Variants in SARM1 observed in about 807,000 individuals in gnomAD.
The protein encoded by SARM1 is NAD(+) hydrolase SARM1.
In SARM1, 60 loss-of-function variants were observed where a neutral mutation model predicts 65.1. The observed-to-expected ratio is 0.92, with a 90% confidence interval of 0.75 to 1.14. The LOEUF (loss-of-function observed/expected upper bound fraction) is 1.14, where lower values mean the gene tolerates loss of function less well. Among genes scored for constraint, SARM1 ranks in the 50% most tolerant of loss-of-function variants. SARM1 has a pLI of 0.00. For missense variants in SARM1, 913 were observed against 1,015.7 expected (o/e 0.90, Z 1.37); for synonymous variants, 417 against 465.4 (o/e 0.90, Z 1.34).
Position 28,384,750 on chromosome 17 carries a change from G to T in SARM1, c.1303-89G>T, listed in dbSNP as rs1416838026. The stretch of plus-strand genomic sequence containing the variant: ...TCTAGGTCCCATCCGCCTCCTCCAC[G>T]CCATCTCCAGTTCCTTCCCTTGCAT... On this transcript the variant is annotated intron_variant, in intron 3 of 8. Transcript: ENST00000585482. This position sits in a 1 kb window ranked among gnomAD's most constrained non-coding sequence, Gnocchi z 4.4. 6.8e-6 allele frequency: 9 copies of T among 1,322,968 alleles called. No homozygotes were observed. The highest frequency in any genetic ancestry group is 9.5e-6 in the Non-Finnish European group (9 of 942,440). The allele number at this position is 1,322,968 out of a possible 1,614,324, so 82.0% of individuals were successfully genotyped here.
intron 1 of SARM1, among the ~76,000 whole-genome samples, chr17:28,378,581 TCTTA>T (rs1488045374): frequency 2.0e-5 from 3 of 152,224 alleles, no homozygotes; most frequent in African/African-American, 4.8e-5. Context: ...ACATTCTATT[TCTTA>T]CTTTTTCCCA....
rs1452356781 is a variant in SARM1 at position 28,396,388 on chromosome 17, CTCT to C, written c.*107_*109del. On this transcript the variant is annotated 3_prime_UTR_variant, in exon 9 of 9. Coordinates refer to ENST00000585482, the MANE Select transcript of SARM1 (RefSeq NM_015077.4). ...TCTCCCTGGGCTGAGACAACCTGGG[CTCT>C]TCTTAGGAAATGGCTCTCCCTCCCC... The C allele has an allele frequency of 9.8e-6, 14 of 1,432,872 alleles. No individual in the cohort carries two copies. The highest frequency in any genetic ancestry group is 1.3e-5 in the Non-Finnish European group (14 of 1,039,102). 88.8% of individuals were successfully genotyped at this position (1,432,872 alleles called of 1,614,324 possible).
intron 5 of SARM1, chr17:28,387,908 G>A: frequency 4.0e-6 from 2 of 493,916 alleles, no homozygotes; most frequent in Non-Finnish European, 3.6e-6. Context: ...GGCTGTTCAG[G>A]TCTGGAGTTC....
rs2068038162 is a variant in SARM1, at chr17:28,384,242, A to C, written c.1090-115A>C. On this transcript the variant is annotated intron_variant, in intron 2 of 8. Coordinates refer to ENST00000585482, the MANE Select transcript of SARM1 (RefSeq NM_015077.4). The surrounding 1 kb of genome is among the most constrained non-coding windows in gnomAD (Gnocchi z 4.4). ...TGACTTAGTGGCTGAAGGTGGGGCCAGGGCAGATGGAGAGACTTTGGGTTG... is the reference window on the plus strand; with the variant it reads ...TGACTTAGTGGCTGAAGGTGGGGCCCGGGCAGATGGAGAGACTTTGGGTTG... 1.2e-6 allele frequency: 1 copy of C among 812,868 alleles called. No homozygotes were observed. 50.4% of individuals were successfully genotyped at this position (812,868 alleles called of 1,614,324 possible).
In SARM1 at chr17:28,395,969, C is replaced by G. The variant is rs1175888767; in HGVS notation, c.1988C>G (p.Pro663Arg). The change falls in exon 8 of 9, where the codon CCT (proline) becomes CGT (arginine). Residue 663 changes from proline to arginine, a missense_variant. This residue lies in a region of SARM1 where 862 missense variants were observed against 952.1 expected (regional missense o/e 0.91). Coordinates refer to ENST00000585482, the MANE Select transcript of SARM1 (RefSeq NM_015077.4). The part of the protein sequence containing the change: ...IVPIIDGFEW[P>R]EPQVLPEDMQ... Reference sequence around the variant, plus strand: ...CCCATCATTGATGGCTTCGAGTGGCCTGAGCCCCAGGTCCTGCCTGAGGAC... The same window carrying G: ...CCCATCATTGATGGCTTCGAGTGGCGTGAGCCCCAGGTCCTGCCTGAGGAC... The G allele has an allele frequency of 6.2e-7, 1 of 1,613,854 alleles. No individual in the cohort carries two copies. Among genetic ancestry groups the G allele is most frequent in the Non-Finnish European group, 8.5e-7 (1 of 1,179,890 alleles).
chr17:28,378,613 T>C (rs985940899), intron 1 of SARM1, among the ~76,000 whole-genome samples: 2 of 151,786 alleles, frequency 1.3e-5, no homozygotes, highest in Non-Finnish European at 2.9e-5. Flanking sequence ...TTGGGTTTTA[T>C]TGGTTTTTTT....
In SARM1 at chr17:28,399,468, T is replaced by C. The variant is rs1229428851; in HGVS notation, c.*3182T>C. On this transcript the variant is annotated 3_prime_UTR_variant, in exon 9 of 9. Coordinates refer to ENST00000585482, the MANE Select transcript of SARM1 (RefSeq NM_015077.4). The stretch of plus-strand genomic sequence containing the variant: ...CTGTGTGGGTTATGATTCTAGATCC[T>C]AGACAGAGGCTGGGTCAGCTGTGGA... The C allele has an allele frequency of 2.6e-5, 16 of 619,198 alleles. No individual in the cohort carries two copies. The Admixed American group carries it at 3.6e-4, about 14-fold the overall frequency. 38.4% of individuals were successfully genotyped at this position (619,198 alleles called of 1,614,324 possible). A position where few individuals can be genotyped will look rare whatever the true frequency, so the allele number is the denominator to read the frequency against.
intron 5 of SARM1, chr17:28,387,867 T>G (rs1237983158): frequency 5.3e-6 from 2 of 377,582 alleles, no homozygotes; most frequent in Non-Finnish European, 9.7e-6. Context: ...AGATTTGGGG[T>G]GTGTTGAATT....
rs1196063040 is a variant in SARM1 at position 28,399,421 on chromosome 17, T to G, written c.*3135T>G. 1.8e-6 allele frequency: 1 copy of G among 551,834 alleles called. No homozygotes were observed. Among genetic ancestry groups the G allele is most frequent in the Non-Finnish European group, 3.2e-6 (1 of 308,760 alleles). The allele number at this position is 551,834 out of a possible 1,614,324, so 34.2% of individuals were successfully genotyped here. On this transcript the variant is annotated 3_prime_UTR_variant, in exon 9 of 9. Coordinates refer to ENST00000585482, the MANE Select transcript of SARM1 (RefSeq NM_015077.4). ...TGACTCCTGTCCCAAATAGCTCCTC[T>G]GCCACCTGTCCTGCAGTGGGCCTGT... is the stretch of plus-strand genomic sequence containing the variant.
Position 28,384,335 on chromosome 17 carries a change from C to T in SARM1, c.1090-22C>T. 6.5e-7 allele frequency: 1 copy of T among 1,547,642 alleles called. No homozygotes were observed. The highest frequency in any genetic ancestry group is 1.4e-5 in the African/African-American group (1 of 73,256). On this transcript the variant is annotated intron_variant, in intron 2 of 8. Transcript: ENST00000585482. This position sits in a 1 kb window ranked among gnomAD's most constrained non-coding sequence, Gnocchi z 4.4. ...CTGGAGAGCTGGTGGGACCTACAGC[C>T]CTCTCCCCACTCCCTCCCTAGGTGT...
rs1555584160 is a variant in SARM1 at position 28,372,294 on chromosome 17, G to T, written c.262G>T (p.Val88Leu). The part of the protein sequence containing the change: ...ALKQAGGARA[V>L]GAGLAEVFQL... Reference sequence around the variant, plus strand: ...GAAGCAGGCGGGCGGCGCGCGGGCCGTGGGCGCCGGCCTGGCCGAGGTCTT... The same window carrying T: ...GAAGCAGGCGGGCGGCGCGCGGGCCTTGGGCGCCGGCCTGGCCGAGGTCTT... Residue 88 changes from valine to leucine, a missense_variant, in exon 1 of 9, where the codon GTG becomes TTG. This residue lies in a region of SARM1 where 862 missense variants were observed against 952.1 expected (regional missense o/e 0.91). Transcript: ENST00000585482. The surrounding 1 kb of genome is among the most constrained non-coding windows in gnomAD (Gnocchi z 5.2). The T allele has an allele frequency of 3.6e-6, 5 of 1,401,460 alleles. No homozygotes were observed. The highest frequency in any genetic ancestry group is 4.6e-6 in the Non-Finnish European group (5 of 1,089,038). 86.8% of individuals were successfully genotyped at this position (1,401,460 alleles called of 1,614,324 possible).
chr17:28,381,921 A>G (rs2068027480), intron 2 of SARM1, 100 bp downstream of exon 2: 3 of 1,312,576 alleles, frequency 2.3e-6, no homozygotes, highest in East Asian at 2.9e-5. Flanking sequence ...AATACACATC[A>G]GAATTAGATG....
rs2068038404 is a variant in SARM1 at position 28,384,287 on chromosome 17, G to T, written c.1090-70G>T. 2 of 1,292,752 alleles carry T rather than the reference G, an allele frequency of 1.5e-6. No individual in the cohort carries two copies. 80.1% of individuals were successfully genotyped at this position (1,292,752 alleles called of 1,614,324 possible). ...GGGTTGTGAGAAGAGACAAGGAGAG[G>T]GACTGGGCACGTGTGGGAGCACCTG... On this transcript the variant is annotated intron_variant, in intron 2 of 8. Coordinates refer to ENST00000585482, the MANE Select transcript of SARM1 (RefSeq NM_015077.4). This position sits in a 1 kb window ranked among gnomAD's most constrained non-coding sequence, Gnocchi z 4.4.
Position 28,381,638 on chromosome 17 carries a change from G to A in SARM1, c.906G>A (p.Ser302=). 1 of 1,562,500 alleles carries A rather than the reference G, an allele frequency of 6.4e-7. No homozygotes were observed. Among genetic ancestry groups the A allele is most frequent in the Non-Finnish European group, 8.7e-7 (1 of 1,154,996 alleles). The change falls in exon 2 of 9, where the codon TCG becomes TCA. Residue 302 remains serine, a synonymous_variant. Transcript: ENST00000585482. Reference sequence around the variant, plus strand: ...CGCTCGTGGAGCCGCTTGTGGCCTCGCTGGACCCTGGCCGCTTCGCCCGCT... The same window carrying A: ...CGCTCGTGGAGCCGCTTGTGGCCTCACTGGACCCTGGCCGCTTCGCCCGCT... ...TLALVEPLVA[S]LDPGRFARCL... is the part of the protein sequence containing the mutation.
intron 1 of SARM1, among the ~76,000 whole-genome samples, chr17:28,377,404 A>G (rs2067998539): frequency 1.3e-5 from 2 of 152,306 alleles, no homozygotes; most frequent in South Asian, 2.1e-4. Context: ...AGCCTGGGCA[A>G]TATAATGGGA....
Position 28,399,404 on chromosome 17 carries a change from G to A in SARM1, c.*3118G>A. 1.9e-6 allele frequency: 1 copy of A among 527,174 alleles called. No individual in the cohort carries two copies. 32.7% of individuals were successfully genotyped at this position (527,174 alleles called of 1,614,324 possible). ...TAGCAGAAAGGGAGAACTGACTCCT[G>A]TCCCAAATAGCTCCTCTGCCACCTG... On this transcript the variant is annotated 3_prime_UTR_variant, in exon 9 of 9. Transcript: ENST00000585482.
At chr17:28,388,150 C>A in intron 5 of SARM1, 24 bp from the exon 6 acceptor site, 2 of 1,500,936 alleles carry the variant, frequency 1.3e-6, no homozygotes, top group Non-Finnish European at 1.8e-6. Context: ...CCACCTTCAC[C>A]ATGCTGCCTA....
Position 28,403,046 on chromosome 17 carries a change from G to A in SARM1, c.*6760G>A, listed in dbSNP as rs1184370671. ...GAGCACAGAGGCAGAGACTGGTGAT[G>A]GCCGCCCCAAGCCAAGGAATGCCAG... On this transcript the variant is annotated 3_prime_UTR_variant, in exon 9 of 9. Coordinates refer to ENST00000585482, the MANE Select transcript of SARM1 (RefSeq NM_015077.4). The A allele has an allele frequency of 6.6e-6, 1 of 152,284 alleles. No individual in the cohort carries two copies. Among genetic ancestry groups the A allele is most frequent in the Non-Finnish European group, 1.5e-5 (1 of 68,104 alleles). The allele number at this position is 152,284 out of a possible 1,614,324, so 9.4% of individuals were successfully genotyped here.
At chr17:28,378,130 C>G (rs2068003683) in intron 1 of SARM1, among the ~76,000 whole-genome samples, 1 of 152,214 alleles carries the variant, frequency 6.6e-6, no homozygotes, top group Non-Finnish European at 1.5e-5. Context: ...CCACCACAGC[C>G]AGAGTGAATT....
Sources: gnomAD v4.1 joint callset for allele counts (sites outside exome capture counted in the v4.1 genomes callset) on GRCh38, gnomAD v4.1.1 for gene constraint, gnomAD v4.1.1 regional missense constraint, Gnocchi (gnomAD v3.1) non-coding constraint, MANE v1.5 for transcripts, NCBI Gene and HGNC (gene_info 2026-07-23, HGNC 2026-07-21) for gene names.